The following PLXNA1 variants were observed in gnomAD, a reference collection of about 807,000 sequenced individuals.
The protein encoded by PLXNA1 is plexin A1, also known as plexin-A1.
In PLXNA1, 77 loss-of-function variants were observed where a neutral mutation model predicts 191.7. The observed-to-expected ratio is 0.40, with a 90% CI of 0.33 to 0.49. The LOEUF (loss-of-function observed/expected upper bound fraction) is 0.49. Ranked by LOEUF, PLXNA1 falls within the 20% of genes least tolerant of loss-of-function variation. PLXNA1 has a pLI of 0.63. For synonymous variants in PLXNA1, 1,137 were observed against 1,156.4 expected, an observed-to-expected ratio of 0.98 and a Z score of 0.34; for missense variants, 2,110 against 2,660.2, an observed-to-expected ratio of 0.79 and a Z score of 4.55.
At position 127,016,650 on chromosome 3, in the gene PLXNA1, A is replaced by G. The variant is rs558177646; in HGVS notation, c.3148A>G (p.Ile1050Val). The G allele has an allele frequency of 8.1e-6, 13 of 1,613,932 alleles. No individual in the cohort carries two copies. Among genetic ancestry groups the G allele is most frequent in the Middle Eastern group, 1.7e-4 (1 of 6,058 alleles). The change falls in exon 16 of 32, where the codon ATC becomes GTC. Residue 1050 changes from isoleucine (I) to valine (V), a missense_variant. By Grantham distance (29) the Ile-to-Val change is conservative (BLOSUM62 3). Transcript: ENST00000393409. ...VKYNYTEDPT[I>V]LRIDPEWSIN... ...GTACAACTACACCGAGGACCCCACCATCCTGAGGATCGACCCCGAGTGGAG... is the reference window on the plus strand; with the variant it reads ...GTACAACTACACCGAGGACCCCACCGTCCTGAGGATCGACCCCGAGTGGAG...
Position 127,004,726 on chromosome 3 carries a change from G to C in PLXNA1, c.1619+15G>C, listed in dbSNP as rs1043486881. 14 of 1,586,474 alleles carry C rather than the reference G, an allele frequency of 8.8e-6. No individual in the cohort carries two copies. The African/African-American group carries it at 1.9e-4, about 21-fold the overall frequency. ...CTGCACAGCATGTGAGTCTGGGCAG[G>C]TGGGCAGGGGCAGGCGGGGAGGGCC... On this transcript the variant is annotated intron_variant, in intron 5 of 31. Coordinates refer to ENST00000393409, the MANE Select transcript of PLXNA1 (RefSeq NM_032242.4).
In PLXNA1 at chr3:127,037,073, C is replaced by G. The variant is rs2079247794; in HGVS notation, c.*3056C>G. 6.6e-6 allele frequency: 1 copy of G among 152,498 alleles called. No individual in the cohort carries two copies. The highest frequency in any genetic ancestry group is 1.5e-5 in the Non-Finnish European group (1 of 68,062). 9.4% of individuals were successfully genotyped at this position (152,498 alleles called of 1,614,324 possible). A position where few individuals can be genotyped will look rare whatever the true frequency, so the allele number is the denominator to read the frequency against. On this transcript the variant is annotated 3_prime_UTR_variant, in exon 32 of 32. Coordinates refer to ENST00000393409, the MANE Select transcript of PLXNA1 (RefSeq NM_032242.4). ...CTGAGAGCCTCCGCCCTGGCTTTCT[C>G]CCTGTCTGGATTCAGTGGCTCACGT... is the stretch of plus-strand genomic sequence containing the variant.
At chr3:127,033,669 A>G (rs2079223957) in intron 31 of PLXNA1, among the ~76,000 whole-genome samples, 1 of 152,132 alleles carries the variant, frequency 6.6e-6, no homozygotes, top group Non-Finnish European at 1.5e-5. Context: ...GGGTGGGGAC[A>G]TGTCAGCAGC....
intron 16 of PLXNA1, 48 bp from the exon 17 acceptor site, chr3:127,016,896 T>G: frequency 6.6e-7 from 1 of 1,518,792 alleles, no homozygotes; most frequent in South Asian, 1.2e-5. Flanking sequence ...TCCAGCTCAC[T>G]GGGCCCCAGC....
At chr3:127,032,993 G>A (rs548540512) in intron 31 of PLXNA1, among the ~76,000 whole-genome samples, 157 bp downstream of exon 31, 4 of 152,196 alleles carry the variant, frequency 2.6e-5, no homozygotes, top group Non-Finnish European at 5.9e-5. Flanking sequence ...GGTTCCTTGG[G>A]GCCAGGAGGG....
rs116049128 is a variant in PLXNA1, at chr3:127,026,030, C to G, written c.4363-1910C>G. Among the ~76,000 whole-genome samples the G allele has an allele frequency of 7.0e-3, 1,064 of 152,268 alleles. 14 individuals carry two copies. The highest frequency in any genetic ancestry group is 0.024 in the African/African-American group (1,013 of 41,556). The stretch of plus-strand genomic sequence containing the variant: ...GTCGTAATGTCATTTATTGAACTGC[C>G]CATATTATCCTTCTATTTGAAAAGT... On this transcript the variant is annotated intron_variant, in intron 23 of 31. Transcript: ENST00000393409.
chr3:126,990,575 G>C (rs2078985249), intron 2 of PLXNA1, among the ~76,000 whole-genome samples: 1 of 152,220 alleles, frequency 6.6e-6, no homozygotes. Flanking sequence ...AGGCCTTCTG[G>C]GCTTGCTGCT....
At chr3:127,009,816 G>T (rs958891846) in intron 9 of PLXNA1, among the ~76,000 whole-genome samples, 1 of 152,222 alleles carries the variant, frequency 6.6e-6, no homozygotes, top group Admixed American at 6.5e-5. Flanking sequence ...CGCCAGACTG[G>T]GGCCATGGAG....
intron 3 of PLXNA1, among the ~76,000 whole-genome samples, chr3:126,994,241 C>T (rs1057287913): frequency 1.3e-5 from 2 of 152,118 alleles, no homozygotes; most frequent in African/African-American, 4.8e-5. Context: ...GAGCTAGGCC[C>T]CTTCCTCAGT....
At chr3:127,027,705 T>A (rs904726844) in intron 23 of PLXNA1, 1 of 683,528 alleles carries the variant, frequency 1.5e-6, no homozygotes, top group African/African-American at 1.8e-5. Flanking sequence ...GGCTCATGTG[T>A]AATTTAGGGT....
In PLXNA1 at chr3:127,005,074, C is replaced by T. The variant is rs368237189; in HGVS notation, c.1744-16C>T. The T allele has an allele frequency of 2.0e-5, 33 of 1,611,854 alleles. No homozygotes were observed. Among genetic ancestry groups the T allele is most frequent in the Non-Finnish European group, 2.7e-5 (32 of 1,179,336 alleles). On this transcript the variant is annotated splice_polypyrimidine_tract_variant and intron_variant, in intron 6 of 31. Transcript: ENST00000393409. ...CATGGGGACCCTGCTCACCATGCCT[C>T]CTGCTGCCTGCCCAGCTTGTGCTGC...
At chr3:127,027,667 T>C (rs1345130230) in intron 23 of PLXNA1, 3 of 599,666 alleles carry the variant, frequency 5.0e-6, no homozygotes, top group Non-Finnish European at 9.4e-6. Context: ...TGCCACGCCA[T>C]GTTCCTCGAT....
chr3:126,994,468 G>GC (rs978481611), intron 3 of PLXNA1, among the ~76,000 whole-genome samples: 8 of 152,260 alleles, frequency 5.3e-5, no homozygotes, highest in African/African-American at 1.9e-4. Flanking sequence ...GGCCACATGG[G>GC]CAGAGGGTGC....
chr3:127,027,736 A>G (rs1254355393), intron 23 of PLXNA1: 2 of 728,306 alleles, frequency 2.7e-6, no homozygotes, highest in African/African-American at 1.7e-5. Flanking sequence ...TATTTGTGGG[A>G]TGGTGGGTAT....
intron 23 of PLXNA1, among the ~76,000 whole-genome samples, chr3:127,023,932 C>T (rs2079164869): frequency 6.6e-6 from 1 of 152,072 alleles, no homozygotes; most frequent in African/African-American, 2.4e-5. Flanking sequence ...CTTGTCTGTC[C>T]TGGGTCGTCT....
intron 9 of PLXNA1, among the ~76,000 whole-genome samples, chr3:127,009,995 C>T (rs552885190): frequency 6.6e-5 from 10 of 152,330 alleles, no homozygotes; most frequent in African/African-American, 2.4e-4. Context: ...AGTTGCATGC[C>T]CCGCCAGTCA....
intron 9 of PLXNA1, among the ~76,000 whole-genome samples, chr3:127,011,247 T>C (rs2079094147): frequency 6.6e-6 from 1 of 152,176 alleles, no homozygotes; most frequent in Non-Finnish European, 1.5e-5. Flanking sequence ...CACAGGAGCA[T>C]CCCTGCAGAC....
chr3:127,017,733 C>A lies in PLXNA1; in HGVS notation c.3517-16C>A. ...GCCCCTCGTCCTGGGCTCTGGCTCA[C>A]CCCCATCTCCTACAGGGCCGGAACC... On this transcript the variant is annotated splice_polypyrimidine_tract_variant and intron_variant, in intron 18 of 31. Transcript: ENST00000393409. 6.2e-7 allele frequency: 1 copy of A among 1,613,266 alleles called. No individual in the cohort carries two copies. The highest frequency in any genetic ancestry group is 8.5e-7 in the Non-Finnish European group (1 of 1,180,004).
intron 20 of PLXNA1, 45 bp from the exon 21 acceptor site, chr3:127,020,156 CG>C: frequency 6.2e-7 from 1 of 1,602,052 alleles, no homozygotes. Flanking sequence ...GGGCATGGAG[CG>C]GGGCCACCAG....
Sources: allele counts gnomAD v4.1 joint callset (sites outside exome capture counted in the v4.1 genomes callset), GRCh38; gene constraint gnomAD v4.1.1; transcripts MANE v1.5; gene names NCBI Gene and HGNC (gene_info 2026-07-23, HGNC 2026-07-21).